The following HRH4 variants were observed in gnomAD, a reference collection of about 807,000 sequenced individuals.
The protein encoded by HRH4 is histamine receptor H4, also known as histamine H4 receptor.
A neutral mutation model predicts 10.4 loss-of-function variants in HRH4; 12 were observed. The observed-to-expected ratio is 1.15, with a 90% confidence interval of 0.74 to 1.87. The LOEUF (loss-of-function observed/expected upper bound fraction) is 1.87, where lower values mean the gene tolerates loss of function less well. HRH4 is among the 40% of genes most tolerant of loss of function. The pLI, the probability that HRH4 is intolerant of heterozygous loss-of-function variation, is 0.00. For synonymous variants in HRH4, 154 were observed against 166.6 expected (o/e 0.92, Z 0.58); for missense variants, 415 against 453.3 (o/e 0.92, Z 0.77).
At chr18:24,469,645 C>T (rs1046068783) in intron 2 of HRH4, among the ~76,000 whole-genome samples, 5 of 152,188 alleles carry the variant, frequency 3.3e-5, no homozygotes, top group Admixed American at 6.5e-5. Context: ...AGATAGGAAA[C>T]TTCCTTCACT....
At chr18:24,466,693 T>G (rs1397059818) in intron 1 of HRH4, among the ~76,000 whole-genome samples, 3 of 152,210 alleles carry the variant, frequency 2.0e-5, no homozygotes, top group South Asian at 2.1e-4. Flanking sequence ...CAGGCTTTCC[T>G]TCTTCCTTTC....
chr18:24,479,218 C>T lies in HRH4; in HGVS notation c.*1656C>T, dbSNP rs1910240784. 6.6e-6 allele frequency: 1 copy of T among 151,922 alleles called. No homozygotes were observed. Among genetic ancestry groups the T allele is most frequent in the Non-Finnish European group, 1.5e-5 (1 of 67,994 alleles). The allele number at this position is 151,922 out of a possible 1,614,324, so 9.4% of individuals were successfully genotyped here. ...CAAACTCCTGGGCTGAAACAATCCT[C>T]CCGCCTTGGCCTCCCAAAGTGCTGG... On this transcript the variant is annotated 3_prime_UTR_variant, in exon 3 of 3. Coordinates refer to ENST00000256906, the MANE Select transcript of HRH4 (RefSeq NM_021624.4).
Position 24,477,230 on chromosome 18 carries a change from C to G in HRH4, c.841C>G (p.Gln281Glu). Residue 281 changes from glutamine (Q) to glutamate (E), a missense_variant, in exon 3 of 3, where the codon CAA becomes GAA. Transcript: ENST00000256906. Reference protein sequence around the residue: ...TIASKMGSFSQSDSVALHQRE... With the variant: ...TIASKMGSFSESDSVALHQRE... ...TGCTTCCAAAATGGGTTCCTTCTCCCAATCAGATTCTGTAGCTCTTCACCA... is the reference window on the plus strand; with the variant it reads ...TGCTTCCAAAATGGGTTCCTTCTCCGAATCAGATTCTGTAGCTCTTCACCA... 2 of 1,614,202 alleles carry G rather than the reference C, an allele frequency of 1.2e-6. No homozygotes were observed. Among genetic ancestry groups the G allele is most frequent in the South Asian group, 2.2e-5 (2 of 91,088 alleles).
rs80160399 is a variant in HRH4, at chr18:24,467,116, G to C, written c.194-1672G>C. On this transcript the variant is annotated intron_variant, in intron 1 of 2. Coordinates refer to ENST00000256906, the MANE Select transcript of HRH4 (RefSeq NM_021624.4). ...CTAATTATCTCTTTTCTGAGCTTTA[G>C]GTTCTTTAACTGTTAACTCAGCATG... Among the ~76,000 whole-genome samples the C allele has an allele frequency of 4.4e-3, 663 of 152,296 alleles. 9 individuals carry two copies. Among genetic ancestry groups the C allele is most frequent in the Middle Eastern group, 0.02 (6 of 294 alleles).
In HRH4 at chr18:24,468,895, T is replaced by G. The variant is rs1449443009; in HGVS notation, c.301T>G (p.Ser101Ala). 6.2e-7 allele frequency: 1 copy of G among 1,611,632 alleles called. No homozygotes were observed. Among genetic ancestry groups the G allele is most frequent in the African/African-American group, 1.3e-5 (1 of 75,018 alleles). Residue 101 changes from serine (S) to alanine (A), a missense_variant, in exon 2 of 3, where the codon TCT (serine) becomes GCT (alanine). Physicochemically the swap from Ser to Ala is moderately conservative, Grantham distance 99 (BLOSUM62 1). Transcript: ENST00000256906. ...LTTDYLLCTA[S>A]VYNIVLISYD... ...TACTGACTATCTGTTATGTACAGCA[T>G]CTGTATATAACATTGTCCTCATCAG...
chr18:24,479,506 T>A lies in HRH4; in HGVS notation c.*1944T>A, dbSNP rs1285046063. On this transcript the variant is annotated 3_prime_UTR_variant, in exon 3 of 3. Coordinates refer to ENST00000256906, the MANE Select transcript of HRH4 (RefSeq NM_021624.4). ...CTCTGTTGCCCACGCAGGAGTGCAG[T>A]GGCATGCTCTCAGCTCACTGCAGCC... The A allele has an allele frequency of 2.0e-5, 3 of 152,238 alleles. No homozygotes were observed. Among genetic ancestry groups the A allele is most frequent in the Non-Finnish European group, 4.4e-5 (3 of 68,048 alleles). The allele number at this position is 152,238 out of a possible 1,614,324, so 9.4% of individuals were successfully genotyped here.
intron 2 of HRH4, among the ~76,000 whole-genome samples, chr18:24,470,501 A>AGTTTTTTT (rs1909904563): frequency 7.7e-6 from 1 of 129,880 alleles, no homozygotes; most frequent in Non-Finnish European, 1.6e-5. Context: ...TTGTTTCTCT[A>AGTTTTTTT]TTTTTTTTTT....
chr18:24,475,723 T>G (rs1807575637), intron 2 of HRH4, among the ~76,000 whole-genome samples: 2 of 152,152 alleles, frequency 1.3e-5, no homozygotes. Flanking sequence ...AAAATCCTTT[T>G]TGGGCCAGGT....
Position 24,477,010 on chromosome 18 carries a change from C to T in HRH4, c.621C>T (p.Leu207=). The part of the protein sequence containing the change: ...IYWSLWKRDH[L]SRCQSHPGLT... ...GGAGCCTGTGGAAGCGTGATCATCT[C>T]AGTAGGTGCCAAAGCCATCCTGGAC... Residue 207 remains leucine, a synonymous_variant, in exon 3 of 3, where the codon CTC becomes CTT. Transcript: ENST00000256906. The T allele has an allele frequency of 6.2e-7, 1 of 1,614,224 alleles. No homozygotes were observed. Among genetic ancestry groups the T allele is most frequent in the Non-Finnish European group, 8.5e-7 (1 of 1,180,044 alleles).
At chr18:24,476,707 T>C (rs1456586422) in intron 2 of HRH4, 40 bp from the exon 3 acceptor site, 2 of 1,442,876 alleles carry the variant, frequency 1.4e-6, no homozygotes, top group East Asian at 2.3e-5. Flanking sequence ...GCATTCAACA[T>C]ACACATTCAT....
chr18:24,464,995 C>G (rs1434550838), intron 1 of HRH4, among the ~76,000 whole-genome samples: 1 of 151,956 alleles, frequency 6.6e-6, no homozygotes, highest in African/African-American at 2.4e-5. Flanking sequence ...CTGAGAAAGA[C>G]ACATTTGAAG....
intron 2 of HRH4, 49 bp from the exon 3 acceptor site, chr18:24,476,698 C>A: frequency 2.3e-6 from 3 of 1,325,552 alleles, no homozygotes; most frequent in South Asian, 1.3e-5. Context: ...ATACTTTATG[C>A]ATTCAACATA....
chr18:24,468,282 T>A (rs998112262), intron 1 of HRH4, among the ~76,000 whole-genome samples: 5 of 152,190 alleles, frequency 3.3e-5, no homozygotes, highest in African/African-American at 1.2e-4. Flanking sequence ...CCTGAAGTGA[T>A]CCACCCACCT....
intron 2 of HRH4, among the ~76,000 whole-genome samples, chr18:24,471,476 G>A (rs140167677): frequency 0.26 from 39,628 of 150,938 alleles, 5,431 homozygotes; most frequent in East Asian, 0.46. Context: ...GCATGGTGGC[G>A]CTTGCCTGTA....
At chr18:24,469,069 C>T in intron 2 of HRH4, 118 bp downstream of exon 2, 1 of 717,174 alleles carries the variant, frequency 1.4e-6, no homozygotes, top group Non-Finnish European at 2.2e-6. Context: ...CTTAGAGGAA[C>T]CCTATCCTTT....
At chr18:24,468,283 C>T (rs1303320534) in intron 1 of HRH4, among the ~76,000 whole-genome samples, 3 of 152,148 alleles carry the variant, frequency 2.0e-5, no homozygotes, top group Non-Finnish European at 4.4e-5. Flanking sequence ...CTGAAGTGAT[C>T]CACCCACCTT....
chr18:24,473,214 A>T (rs1228397037), intron 2 of HRH4, among the ~76,000 whole-genome samples: 1 of 152,212 alleles, frequency 6.6e-6, no homozygotes, highest in Non-Finnish European at 1.5e-5. Context: ...GTATTTCTTT[A>T]CCTGCAGATG....
chr18:24,468,184 TC>T (rs1909828060), intron 1 of HRH4, among the ~76,000 whole-genome samples: 1 of 151,976 alleles, frequency 6.6e-6, no homozygotes, highest in African/African-American at 2.4e-5. Flanking sequence ...CCTATGTACA[TC>T]CTCCCATATA....
chr18:24,473,248 T>C (rs563073143), intron 2 of HRH4, among the ~76,000 whole-genome samples: 3 of 152,120 alleles, frequency 2.0e-5, no homozygotes, highest in East Asian at 3.9e-4. Flanking sequence ...GACAGTAAAA[T>C]CAAGACCACA....
Sources: allele counts gnomAD v4.1 joint callset (sites outside exome capture counted in the v4.1 genomes callset), GRCh38; gene constraint gnomAD v4.1.1; transcripts MANE v1.5; gene names NCBI Gene and HGNC (gene_info 2026-07-23, HGNC 2026-07-21).